Variants in PACS1 observed in about 807,000 individuals in gnomAD.
The protein encoded by PACS1 is PACS-1.
Under a neutral mutation model 115.0 loss-of-function variants are expected in PACS1, and 24 were observed. That is an observed-to-expected ratio of 0.21 (90% CI 0.15 to 0.29). The LOEUF (loss-of-function observed/expected upper bound fraction) is 0.29, where lower values mean the gene tolerates loss of function less well. Ranked by LOEUF, PACS1 falls within the 10% of genes least tolerant of loss-of-function variation. PACS1 has a pLI of 1.00. For synonymous variants in PACS1, 453 were observed against 504.5 expected, an observed-to-expected ratio of 0.90 and a Z score of 1.37; for missense variants, 838 against 1,251.2, an observed-to-expected ratio of 0.67 and a Z score of 4.98.
At chr11:66,230,971 C>T (rs373097964) in intron 13 of PACS1, 31 bp downstream of exon 13, 108 of 1,612,708 alleles carry the variant, frequency 6.7e-5, no homozygotes, top group Non-Finnish European at 9.2e-5. Context: ...AACACCAGGA[C>T]CCTCTGAGAT....
intron 1 of PACS1, among the ~76,000 whole-genome samples, chr11:66,166,767 A>AT (rs1859613182): frequency 6.7e-6 from 1 of 150,320 alleles, no homozygotes; most frequent in South Asian, 2.1e-4. Flanking sequence ...CAGTGCAAAT[A>AT]TTGTCTAGTA....
At chr11:66,227,360 C>T (rs919362770) in intron 10 of PACS1, 144 bp from the exon 11 acceptor site, 17 of 575,898 alleles carry the variant, frequency 3.0e-5, no homozygotes, top group Admixed American at 1.3e-4. Context: ...CCCGCCTCCC[C>T]GGCCCACATA....
At chr11:66,141,835 C>T (rs113273803) in intron 1 of PACS1, among the ~76,000 whole-genome samples, 3,696 of 151,420 alleles carry the variant, frequency 0.024, 168 homozygotes, top group African/African-American at 0.085. Flanking sequence ...GAGACGGAAT[C>T]TCACTTTGTC....
chr11:66,176,754 A>G (rs1017628427), intron 1 of PACS1, among the ~76,000 whole-genome samples: 2 of 152,132 alleles, frequency 1.3e-5, no homozygotes, highest in South Asian at 4.2e-4. Context: ...CTGCTTTCTT[A>G]AAGAACCAGT....
In PACS1 at chr11:66,202,726, G is replaced by GAA. The variant is rs55677222; in HGVS notation, c.445-7620_445-7619dup. On this transcript the variant is annotated intron_variant, in intron 2 of 23. Transcript: ENST00000320580. Reference sequence around the variant, plus strand: ...CAACATGGCAAAACCTCATCTCTAGGAAAAAAAAAAAAAAAAATATATATA... The same window carrying GAA: ...CAACATGGCAAAACCTCATCTCTAGGAAAAAAAAAAAAAAAAAAATATATATA... Among the ~76,000 whole-genome samples, 21 of 10,934 alleles carry GAA rather than the reference G, an allele frequency of 1.9e-3. 2 individuals carry two copies. The highest frequency in any genetic ancestry group is 7.8e-3 in the South Asian group (2 of 256). 7.2% of individuals were successfully genotyped at this position (10,934 alleles called of 152,430 possible). A position where few individuals can be genotyped will look rare whatever the true frequency, so the allele number is the denominator to read the frequency against.
At chr11:66,082,004 A>T (rs983215781) in intron 1 of PACS1, among the ~76,000 whole-genome samples, 2 of 152,098 alleles carry the variant, frequency 1.3e-5, no homozygotes, top group Non-Finnish European at 2.9e-5. Context: ...GTTAATTTTC[A>T]CCTTTAATAA....
chr11:66,180,660 T>G (rs529854946), intron 1 of PACS1, among the ~76,000 whole-genome samples: 36 of 152,060 alleles, frequency 2.4e-4, no homozygotes, highest in South Asian at 1.5e-3. Context: ...GCCTTATTTT[T>G]TTACTTACTT....
chr11:66,128,178 G>T (rs1858621891), intron 1 of PACS1, among the ~76,000 whole-genome samples: 1 of 152,190 alleles, frequency 6.6e-6, no homozygotes, highest in Non-Finnish European at 1.5e-5. Context: ...AAAATGTGAG[G>T]CAATCTGGGA....
chr11:66,232,733 G>A (rs1182633742), intron 14 of PACS1, among the ~76,000 whole-genome samples: 1 of 151,946 alleles, frequency 6.6e-6, no homozygotes, highest in Non-Finnish European at 1.5e-5. Flanking sequence ...CCTAGCATGT[G>A]AAACCCCCTA....
rs757815709 is a variant in PACS1 at position 66,230,777 on chromosome 11, C to T, written c.1491-28C>T. 4 of 1,613,926 alleles carry T rather than the reference C, an allele frequency of 2.5e-6. No homozygotes were observed. The Admixed American group carries it at 6.7e-5, about 27-fold the overall frequency. On this transcript the variant is annotated intron_variant, in intron 12 of 23. Coordinates refer to ENST00000320580, the MANE Select transcript of PACS1 (RefSeq NM_018026.4). Reference sequence around the variant, plus strand: ...AGCTTTGGGGTTGGAGGGGCTATTTCACCAGCCTTTTTCCACCTCCCTGGC... The same window carrying T: ...AGCTTTGGGGTTGGAGGGGCTATTTTACCAGCCTTTTTCCACCTCCCTGGC...
At chr11:66,173,078 T>G (rs1859775573) in intron 1 of PACS1, among the ~76,000 whole-genome samples, 1 of 151,348 alleles carries the variant, frequency 6.6e-6, no homozygotes, top group Non-Finnish European at 1.5e-5. Flanking sequence ...TCTTAAAATG[T>G]TTTTTGATTT....
At chr11:66,119,573 G>C (rs933345518) in intron 1 of PACS1, among the ~76,000 whole-genome samples, 2 of 152,258 alleles carry the variant, frequency 1.3e-5, no homozygotes, top group Non-Finnish European at 2.9e-5. Context: ...ATTGCAAGTA[G>C]TACACAGGAT....
At chr11:66,239,674 G>C (rs1855773718) in intron 21 of PACS1, among the ~76,000 whole-genome samples, 1 of 152,192 alleles carries the variant, frequency 6.6e-6, no homozygotes, top group South Asian at 2.1e-4. Context: ...GTCTTGTTAT[G>C]GGACCTCCCA....
chr11:66,119,270 T>G (rs1858387921), intron 1 of PACS1, among the ~76,000 whole-genome samples: 1 of 152,242 alleles, frequency 6.6e-6, no homozygotes, highest in Non-Finnish European at 1.5e-5. Flanking sequence ...AGTAATATTT[T>G]GTGACATGTG....
intron 1 of PACS1, among the ~76,000 whole-genome samples, chr11:66,158,905 A>G (rs2134621642): frequency 6.6e-6 from 1 of 152,320 alleles, no homozygotes. Flanking sequence ...GATGAAAAAG[A>G]CCCTCAACAG....
intron 9 of PACS1, 127 bp downstream of exon 9, chr11:66,220,918 G>A: frequency 8.8e-7 from 1 of 1,134,410 alleles, no homozygotes; most frequent in South Asian, 1.5e-5. Flanking sequence ...TGAACCTCTG[G>A]CTGTCTTGGA....
At position 66,157,712 on chromosome 11, in the gene PACS1, C is replaced by T. The variant is rs74633766; in HGVS notation, c.357-35774C>T. 8.3e-3 allele frequency among the ~76,000 whole-genome samples: 1,263 copies of T among 152,192 alleles called. 87 individuals are homozygous for T. In the East Asian group the frequency reaches 0.17, roughly 21 times the overall value. Reference sequence around the variant, plus strand: ...TGGCTGTGGGACTTGTTATCACAGACACCATCTCTGCCCACCAAGACATTG... The same window carrying T: ...TGGCTGTGGGACTTGTTATCACAGATACCATCTCTGCCCACCAAGACATTG... On this transcript the variant is annotated intron_variant, in intron 1 of 23. Transcript: ENST00000320580.
intron 11 of PACS1, among the ~76,000 whole-genome samples, chr11:66,229,525 A>G (rs1226257549): frequency 6.6e-6 from 1 of 151,942 alleles, no homozygotes; most frequent in Non-Finnish European, 1.5e-5. Flanking sequence ...CGTCTCTACT[A>G]AAAATAAGCC....
intron 1 of PACS1, among the ~76,000 whole-genome samples, chr11:66,159,770 A>C (rs1216463697): frequency 6.6e-6 from 1 of 152,230 alleles, no homozygotes; most frequent in Admixed American, 6.5e-5. Flanking sequence ...GCTGTAAGGA[A>C]ATGCTAATGG....
Sources: allele counts gnomAD v4.1 joint callset (sites outside exome capture counted in the v4.1 genomes callset), GRCh38; gene constraint gnomAD v4.1.1; transcripts MANE v1.5; gene names NCBI Gene and HGNC (gene_info 2026-07-23, HGNC 2026-07-21).